The following MAF variants were observed in gnomAD, a reference collection of about 807,000 sequenced individuals.
MAF encodes the protein transcription factor Maf.
In MAF, 10 loss-of-function variants were observed where a neutral mutation model predicts 22.0. The ratio of observed to expected loss-of-function variants is 0.45; its 90% CI spans 0.28 to 0.77. The LOEUF (loss-of-function observed/expected upper bound fraction) is 0.77. MAF is among the 30% of genes least tolerant of loss of function. The probability of loss-of-function intolerance (pLI) is 0.12; values close to 1 mark genes in which losing one functional copy is unlikely to be tolerated. For missense variants in MAF, 544 were observed against 548.4 expected (o/e 0.99, Z 0.08); for synonymous variants, 337 against 255.8 (o/e 1.32, Z -3.03).
chr16:79,363,064 G>T, the MAF span, among the ~76,000 whole-genome samples: 12 of 152,200 alleles, frequency 7.9e-5, no homozygotes, highest in African/African-American at 2.9e-4. Context: ...ACCTGATATG[G>T]GTCCCTAAAA....
the MAF span, among the ~76,000 whole-genome samples, chr16:79,209,519 G>C: frequency 6.6e-6 from 1 of 152,152 alleles, no homozygotes; most frequent in Non-Finnish European, 1.5e-5. Flanking sequence ...ATAGAGGGCG[G>C]GAGGCTGGAC....
the MAF span, among the ~76,000 whole-genome samples, chr16:79,301,735 C>T: frequency 6.6e-6 from 1 of 152,142 alleles, no homozygotes; most frequent in African/African-American, 2.4e-5. Context: ...AGTGCATATA[C>T]ATTTACACAC....
chr16:79,229,494 A>G, the MAF span: 1 of 152,126 alleles, frequency 6.6e-6, no homozygotes, highest in African/African-American at 2.4e-5. Flanking sequence ...CTGTCCTGGC[A>G]GAGAGCAAGG....
At chr16:79,390,946 G>A in the MAF span, among the ~76,000 whole-genome samples, 708 of 152,210 alleles carry the variant, frequency 4.7e-3, 5 homozygotes, top group African/African-American at 0.016. Context: ...CTGGGCTACT[G>A]TCTCTCAGCC....
the MAF span, among the ~76,000 whole-genome samples, chr16:79,331,042 G>C: frequency 7.0e-3 from 1,064 of 152,272 alleles, 4 homozygotes; most frequent in Non-Finnish European, 0.011. Flanking sequence ...GGCTCAGATG[G>C]GAAATGGCTT....
the MAF span, among the ~76,000 whole-genome samples, chr16:79,222,434 G>C: frequency 6.6e-6 from 1 of 152,028 alleles, no homozygotes; most frequent in East Asian, 1.9e-4. Flanking sequence ...ATCAACTAAT[G>C]GGCAAAGTAA....
the MAF span, among the ~76,000 whole-genome samples, chr16:79,512,850 C>A: frequency 1.3e-5 from 2 of 152,154 alleles, no homozygotes; most frequent in Non-Finnish European, 2.9e-5. Context: ...AGCCCAGGGC[C>A]GTGGGCAGCA....
chr16:79,214,945 G>A, the MAF span, among the ~76,000 whole-genome samples: 1 of 147,898 alleles, frequency 6.8e-6, no homozygotes, highest in Non-Finnish European at 1.5e-5. Flanking sequence ...CCTGACCTCA[G>A]GTGATCCACC....
the MAF span, among the ~76,000 whole-genome samples, chr16:79,471,809 C>G: frequency 8.5e-5 from 13 of 152,288 alleles, no homozygotes; most frequent in African/African-American, 3.1e-4. Flanking sequence ...CCAATTTCTT[C>G]TTTATTGATC....
chr16:79,248,916 T>C, the MAF span, among the ~76,000 whole-genome samples: 23,651 of 152,174 alleles, frequency 0.16, 2,829 homozygotes, highest in African/African-American at 0.33. Context: ...ATTAAGTACA[T>C]AATGCATTGC....
At chr16:79,226,387 G>T in the MAF span, among the ~76,000 whole-genome samples, 2 of 152,046 alleles carry the variant, frequency 1.3e-5, no homozygotes, top group Non-Finnish European at 2.9e-5. Flanking sequence ...AGGGGGTGGG[G>T]TGTTAGGGGA....
At chr16:79,226,277 G>C in the MAF span, among the ~76,000 whole-genome samples, 1 of 152,080 alleles carries the variant, frequency 6.6e-6, no homozygotes, top group Admixed American at 6.6e-5. Flanking sequence ...ACCAACACAA[G>C]AACAGAAAAC....
At chr16:79,514,239 G>C in the MAF span, among the ~76,000 whole-genome samples, 2 of 152,210 alleles carry the variant, frequency 1.3e-5, no homozygotes, top group African/African-American at 4.8e-5. Context: ...GCTGGGAAGG[G>C]ACCTTGAACG....
the MAF span, among the ~76,000 whole-genome samples, chr16:79,335,937 G>C: frequency 6.6e-6 from 1 of 152,180 alleles, no homozygotes; most frequent in East Asian, 1.9e-4. Context: ...AGCATGTTTA[G>C]AAATAGACAA....
At chr16:79,369,870 A>G in the MAF span, among the ~76,000 whole-genome samples, 3 of 152,346 alleles carry the variant, frequency 2.0e-5, no homozygotes, top group African/African-American at 7.2e-5. Context: ...GAGTGAAGAA[A>G]TAACTGGAAA....
the MAF span, among the ~76,000 whole-genome samples, chr16:79,543,877 G>A: frequency 1.3e-5 from 2 of 151,762 alleles, no homozygotes; most frequent in Admixed American, 6.6e-5. Flanking sequence ...TAGCAGAGAC[G>A]GGGTTTCATC....
At chr16:79,543,056 A>G in the MAF span, among the ~76,000 whole-genome samples, 6,801 of 152,298 alleles carry the variant, frequency 0.045, 517 homozygotes, top group African/African-American at 0.15. Flanking sequence ...AAAAAACAGT[A>G]AATGTTAAGC....
chr16:79,598,547 A>AGCC (rs1245310278), intron 1 of MAF: 17 of 1,425,700 alleles, frequency 1.2e-5, no homozygotes, highest in Non-Finnish European at 1.6e-5. Context: ...AGTTTAAAAC[A>AGCC]GCCACCACCA....
the MAF span, among the ~76,000 whole-genome samples, chr16:79,579,826 G>A: frequency 6.6e-6 from 1 of 152,086 alleles, no homozygotes; most frequent in Non-Finnish European, 1.5e-5. Context: ...TTATTAGTGT[G>A]GAAGGAAATG....
Sources: allele counts gnomAD v4.1 joint callset (sites outside exome capture counted in the v4.1 genomes callset), GRCh38; gene constraint gnomAD v4.1.1; transcripts MANE v1.5; gene names NCBI Gene and HGNC (gene_info 2026-07-23, HGNC 2026-07-21).